PHF8: variants seen among roughly 807,000 people sequenced by gnomAD.
PHF8 encodes PHD finger protein 8.
A neutral mutation model predicts 74.4 loss-of-function variants in PHF8; 9 were observed. The observed-to-expected ratio is 0.12, with a 90% confidence interval of 0.07 to 0.21. The LOEUF (loss-of-function observed/expected upper bound fraction) is 0.21, where lower values mean the gene tolerates loss of function less well. Ranked by LOEUF, PHF8 falls within the 10% of genes least tolerant of loss-of-function variation. The pLI, the probability that PHF8 is intolerant of heterozygous loss-of-function variation, is 1.00. For missense variants in PHF8, 478 were observed against 816.6 expected, an observed-to-expected ratio of 0.59 and a Z score of 5.05; for synonymous variants, 311 against 316.6, an observed-to-expected ratio of 0.98 and a Z score of 0.19.
chrX:53,956,118 C>T (rs1270328165), intron 19 of PHF8, among the ~76,000 whole-genome samples: 1 of 110,452 alleles, frequency 9.1e-6, no homozygotes, highest in Admixed American at 9.7e-5. Flanking sequence ...ATGGTGGTGG[C>T]GGGTGCTTTT....
intron 2 of PHF8, among the ~76,000 whole-genome samples, chrX:54,037,064 CTAGA>C (rs1258116857): frequency 1.9e-5 from 2 of 102,569 alleles, no homozygotes; most frequent in Non-Finnish European, 4.0e-5. Flanking sequence ...CCTCAAGAAA[CTAGA>C]TAGAGAGCAA....
chrX:53,976,616 A>T (rs1482498960), intron 18 of PHF8, among the ~76,000 whole-genome samples: 7 of 107,298 alleles, frequency 6.5e-5, no homozygotes, highest in African/African-American at 2.4e-4. Context: ...ACACAGTGAG[A>T]CCCCCATCTC....
intron 2 of PHF8, among the ~76,000 whole-genome samples, chrX:54,026,081 C>T (rs782689662): frequency 3.6e-5 from 4 of 111,645 alleles, no homozygotes; most frequent in Non-Finnish European, 7.5e-5. Flanking sequence ...TGGCCAGGCA[C>T]GGTGGCTCAC....
intron 2 of PHF8, 55 bp downstream of exon 2, chrX:54,042,576 G>A (rs1004435477): frequency 1.2e-5 from 12 of 1,008,710 alleles, no homozygotes; most frequent in Non-Finnish European, 1.5e-5. Context: ...GGAAGAGAGA[G>A]CAAGTGAACA....
rs2065952773 is a variant in PHF8 at position 54,009,844 on chromosome X, G to GGAAAAAAAAAAA, written c.946+1277_946+1278insTTTTTTTTTTTC. On this transcript the variant is annotated intron_variant, in intron 8 of 21. Coordinates refer to ENST00000338154, the MANE Select transcript of PHF8 (RefSeq NM_015107.3). ...GGTGACAGAGTGAGACTCTGTCTCA[G>GGAAAAAAAAAAA]AAAAAAAAAAAAAAAAAAAAAAAAA... Among the ~76,000 whole-genome samples, 25 of 9,390 alleles carry GGAAAAAAAAAAA rather than the reference G, an allele frequency of 2.7e-3. 2 individuals carry two copies. Among genetic ancestry groups the GGAAAAAAAAAAA allele is most frequent in the South Asian group, 0.019 (1 of 52 alleles). 8.2% of individuals were successfully genotyped at this position (9,390 alleles called of 115,157 possible). A position where few individuals can be genotyped will look rare whatever the true frequency, so the allele number is the denominator to read the frequency against.
chrX:53,944,478 C>A (rs1166180293), intron 19 of PHF8: 1 of 385,221 alleles, frequency 2.6e-6, no homozygotes, highest in African/African-American at 2.5e-5. Flanking sequence ...AAAATGTGAA[C>A]CTCCTTTGGC....
At chrX:53,942,867 T>C (rs2064773356) in intron 20 of PHF8, 1 of 749,663 alleles carries the variant, frequency 1.3e-6, no homozygotes, top group Non-Finnish European at 1.6e-6. Flanking sequence ...CAGTGCACTA[T>C]GGCTGTATAA....
chrX:54,016,068 C>A (rs1557108072), intron 6 of PHF8, among the ~76,000 whole-genome samples: 1 of 111,381 alleles, frequency 9.0e-6, no homozygotes, highest in Admixed American at 9.6e-5. Context: ...ATTAAAATAG[C>A]TACTATGTAA....
In PHF8 at chrX:53,938,881, T is replaced by A; in HGVS notation, c.*277A>T. ...GAACAGACAAGGCAGGTGACGGGAGTGGTTTGGACGAGTAGAAAAGAGGGT... is the reference window on the plus strand; with the variant it reads ...GAACAGACAAGGCAGGTGACGGGAGAGGTTTGGACGAGTAGAAAAGAGGGT... On this transcript the variant is annotated 3_prime_UTR_variant, in exon 22 of 22. Coordinates refer to ENST00000338154, the MANE Select transcript of PHF8 (RefSeq NM_015107.3). The A allele has an allele frequency of 1.1e-6, 1 of 900,922 alleles. No homozygotes were observed. The highest frequency in any genetic ancestry group is 1.4e-6 in the Non-Finnish European group (1 of 732,712). 74.2% of individuals were successfully genotyped at this position (900,922 alleles called of 1,213,427 possible). A position where few individuals can be genotyped will look rare whatever the true frequency, so the allele number is the denominator to read the frequency against.
In PHF8 at chrX:53,938,876, G is replaced by A. The variant is rs190871725; in HGVS notation, c.*282C>T. 1.1e-3 allele frequency: 1,010 copies of A among 903,360 alleles called. 1 individual carries two copies. The highest frequency in any genetic ancestry group is 1.2e-3 in the Non-Finnish European group (882 of 734,238). The allele number at this position is 903,360 out of a possible 1,213,427, so 74.4% of individuals were successfully genotyped here. On this transcript the variant is annotated 3_prime_UTR_variant, in exon 22 of 22. Coordinates refer to ENST00000338154, the MANE Select transcript of PHF8 (RefSeq NM_015107.3). ...ATAAAGAACAGACAAGGCAGGTGAC[G>A]GGAGTGGTTTGGACGAGTAGAAAAG...
chrX:54,017,095 A>C (rs1379097123), intron 5 of PHF8, among the ~76,000 whole-genome samples: 1 of 112,736 alleles, frequency 8.9e-6, no homozygotes, highest in African/African-American at 3.2e-5. Flanking sequence ...GAAGACAGAC[A>C]ATGATCCCTA....
intron 19 of PHF8, among the ~76,000 whole-genome samples, chrX:53,953,917 G>C (rs1220240061): frequency 1.8e-5 from 2 of 111,217 alleles, no homozygotes; most frequent in African/African-American, 3.3e-5. Flanking sequence ...GATGAAAAAA[G>C]AGATAACAAT....
chrX:54,001,110 G>A (rs782647831), intron 10 of PHF8, among the ~76,000 whole-genome samples: 3 of 111,577 alleles, frequency 2.7e-5, no homozygotes, highest in East Asian at 2.8e-4. Context: ...GGCGGATCAC[G>A]AGGTCAAGAG....
At chrX:53,957,214 G>T (rs1339925277) in intron 19 of PHF8, among the ~76,000 whole-genome samples, 1 of 109,810 alleles carries the variant, frequency 9.1e-6, no homozygotes. Flanking sequence ...AAATTAGCTG[G>T]GTGCGGTGGT....
At chrX:53,996,818 A>G (rs1424552829) in intron 11 of PHF8, among the ~76,000 whole-genome samples, 2 of 112,072 alleles carry the variant, frequency 1.8e-5, no homozygotes, top group African/African-American at 6.5e-5. Flanking sequence ...AAGTGCTGGG[A>G]TTACGGGCGT....
rs781948744 is a variant in PHF8 at position 53,938,583 on chromosome X, A to C, written c.*575T>G. On this transcript the variant is annotated 3_prime_UTR_variant, in exon 22 of 22. Coordinates refer to ENST00000338154, the MANE Select transcript of PHF8 (RefSeq NM_015107.3). ...GGAAATGGCCCACAGTGGGGCAGGA[A>C]GGAGGCTCTAGGCCTTCCTCTTCAT... The C allele has an allele frequency of 3.0e-4, 224 of 756,007 alleles. 1 individual carries two copies. In the African/African-American group the frequency reaches 4.9e-3, roughly 16 times the overall value. 62.3% of individuals were successfully genotyped at this position (756,007 alleles called of 1,213,427 possible). A position where few individuals can be genotyped will look rare whatever the true frequency, so the allele number is the denominator to read the frequency against.
chrX:54,018,025 C>G (rs1270076290), intron 4 of PHF8, among the ~76,000 whole-genome samples: 1 of 111,704 alleles, frequency 9.0e-6, no homozygotes, highest in African/African-American at 3.2e-5. Context: ...GGGGAGTATT[C>G]TGCCAACATG....
intron 18 of PHF8, among the ~76,000 whole-genome samples, chrX:53,983,085 T>C (rs868951458): frequency 7.5e-5 from 8 of 107,260 alleles, no homozygotes; most frequent in African/African-American, 2.1e-4. Context: ...ACCAGGGAGG[T>C]TGAGGTGGGA....
chrX:54,042,575 A>G (rs1333296008), intron 2 of PHF8, 56 bp downstream of exon 2: 53 of 1,001,256 alleles, frequency 5.3e-5, no homozygotes, highest in Non-Finnish European at 7.0e-5. Flanking sequence ...AGGAAGAGAG[A>G]GCAAGTGAAC....
Sources: gnomAD v4.1 joint callset for allele counts (sites outside exome capture counted in the v4.1 genomes callset) on GRCh38, gnomAD v4.1.1 for gene constraint, MANE v1.5 for transcripts, NCBI Gene and HGNC (gene_info 2026-07-23, HGNC 2026-07-21) for gene names.